Variants in SEM1 observed in about 807,000 individuals in gnomAD.
The protein encoded by SEM1 is SEM1 26S proteasome subunit, also known as 26S proteasome complex subunit SEM1.
A neutral mutation model predicts 12.7 loss-of-function variants in SEM1; 3 were observed. That is an observed-to-expected ratio of 0.24 (90% CI 0.11 to 0.61). The LOEUF (loss-of-function observed/expected upper bound fraction) is 0.61, where lower values mean the gene tolerates loss of function less well. Among genes scored for constraint, SEM1 ranks in the 20% least tolerant of loss-of-function variants. SEM1 has a pLI of 0.88. For missense variants in SEM1, 59 were observed against 81.3 expected (o/e 0.73, Z 1.06); for synonymous variants, 30 against 27.8 (o/e 1.08, Z -0.25).
intron 2 of SEM1, among the ~76,000 whole-genome samples, chr7:96,529,983 T>A (rs1804593149): frequency 1.3e-5 from 2 of 152,102 alleles, no homozygotes; most frequent in African/African-American, 4.8e-5. Flanking sequence ...AAGATGCTAC[T>A]TAACTCATGG....
intron 2 of SEM1, among the ~76,000 whole-genome samples, chr7:96,575,898 T>C (rs574378545): frequency 6.6e-6 from 1 of 152,360 alleles, no homozygotes; most frequent in Non-Finnish European, 1.5e-5. Flanking sequence ...TAACCCTTTT[T>C]ACTTATTTTG....
chr7:96,708,124 G>A (rs1790527025), intron 1 of SEM1: 1 of 152,186 alleles, frequency 6.6e-6, no homozygotes, highest in East Asian at 1.9e-4. Flanking sequence ...GAAGTATTAA[G>A]TTTGAGTAAG....
At chr7:96,521,535 C>T (rs765545584) in intron 2 of SEM1, among the ~76,000 whole-genome samples, 10 of 152,114 alleles carry the variant, frequency 6.6e-5, no homozygotes, top group African/African-American at 1.4e-4. Flanking sequence ...CTCAAGTTCA[C>T]GACTAATAAG....
chr7:96,685,450 TA>T (rs143172018), downstream of SEM1, among the ~76,000 whole-genome samples: 15,085 of 152,132 alleles, frequency 0.099, 807 homozygotes, highest in East Asian at 0.15. Flanking sequence ...TTTTTCTGTG[TA>T]GCTACTCAAC....
intron 2 of SEM1, among the ~76,000 whole-genome samples, chr7:96,564,223 CATT>C (rs1449436723): frequency 1.3e-5 from 2 of 151,714 alleles, no homozygotes; most frequent in Admixed American, 1.3e-4. Context: ...AAATTTTTCT[CATT>C]ATTTATAAGT....
At chr7:96,657,053 T>C (rs1809205781) in intron 2 of SEM1, among the ~76,000 whole-genome samples, 1 of 152,174 alleles carries the variant, frequency 6.6e-6, no homozygotes, top group African/African-American at 2.4e-5. Flanking sequence ...CTATTATTCA[T>C]TTCCACAGAG....
At chr7:96,645,186 T>C (rs1808744952) in intron 2 of SEM1, among the ~76,000 whole-genome samples, 1 of 152,158 alleles carries the variant, frequency 6.6e-6, no homozygotes, top group Admixed American at 6.5e-5. Context: ...CATTCAATGA[T>C]CAATAAGTTA....
chr7:96,581,827 C>T (rs1053521191), intron 2 of SEM1, among the ~76,000 whole-genome samples: 1 of 151,504 alleles, frequency 6.6e-6, no homozygotes, highest in Non-Finnish European at 1.5e-5. Flanking sequence ...ATTTTGTATC[C>T]TGAGACTTTG....
At chr7:96,498,693 G>A (rs1365441962), upstream of SEM1, among the ~76,000 whole-genome samples, 1 of 152,154 alleles carries the variant, frequency 6.6e-6, no homozygotes, top group African/African-American at 2.4e-5. Context: ...TGATTGTTGT[G>A]TGTCCTGCTC....
At chr7:96,654,207 G>A (rs2116472395) in intron 2 of SEM1, among the ~76,000 whole-genome samples, 1 of 152,314 alleles carries the variant, frequency 6.6e-6, no homozygotes, top group Non-Finnish European at 1.5e-5. Flanking sequence ...CATGGATACA[G>A]AAGACATAGG....
At chr7:96,543,593 T>C (rs1182373208) in intron 2 of SEM1, among the ~76,000 whole-genome samples, 2 of 152,036 alleles carry the variant, frequency 1.3e-5, no homozygotes, top group African/African-American at 4.8e-5. Context: ...GAAAATTTTC[T>C]TAATTTTCTA....
chr7:96,561,359 C>T (rs887326937), intron 2 of SEM1, among the ~76,000 whole-genome samples: 1 of 152,142 alleles, frequency 6.6e-6, no homozygotes, highest in African/African-American at 2.4e-5. Context: ...TTGTCAGGAA[C>T]AATTCAGGGA....
intron 2 of SEM1, among the ~76,000 whole-genome samples, chr7:96,543,432 C>T (rs1805015415): frequency 2.0e-5 from 3 of 151,814 alleles, no homozygotes; most frequent in African/African-American, 7.3e-5. Context: ...CATTCACAAG[C>T]ACATGCTAAC....
At chr7:96,604,794 C>T (rs1807295732) in intron 2 of SEM1, among the ~76,000 whole-genome samples, 1 of 152,076 alleles carries the variant, frequency 6.6e-6, no homozygotes, top group African/African-American at 2.4e-5. Flanking sequence ...TGGTGCATGC[C>T]TCTAATCCTA....
At chr7:96,497,309 G>A (rs924373207), upstream of SEM1, among the ~76,000 whole-genome samples, 10 of 151,962 alleles carry the variant, frequency 6.6e-5, no homozygotes, top group African/African-American at 2.4e-4. Context: ...ATTCACAAAA[G>A]CCTTAATCAT....
At chr7:96,694,660 A>G (rs1351356587) in intron 2 of SEM1, 138 bp downstream of exon 2, 2 of 474,946 alleles carry the variant, frequency 4.2e-6, no homozygotes, top group East Asian at 3.2e-5. Context: ...GATGAAGACA[A>G]TATGTCTTAC....
chr7:96,666,282 G>C (rs1243025635), intron 2 of SEM1, among the ~76,000 whole-genome samples: 2 of 152,110 alleles, frequency 1.3e-5, no homozygotes, highest in Non-Finnish European at 2.9e-5. Flanking sequence ...GTCTCCTCTA[G>C]CCCAGGAAGG....
At chr7:96,537,703 C>G (rs1804828932) in intron 2 of SEM1, among the ~76,000 whole-genome samples, 1 of 151,690 alleles carries the variant, frequency 6.6e-6, no homozygotes, top group Non-Finnish European at 1.5e-5. Flanking sequence ...TGATTTGCTG[C>G]AGGTTGATTA....
intron 2 of SEM1, among the ~76,000 whole-genome samples, chr7:96,585,890 C>G (rs1176824954): frequency 3.3e-5 from 5 of 152,180 alleles, no homozygotes; most frequent in Admixed American, 6.5e-5. Flanking sequence ...TGAGATGAAC[C>G]CTGTACCTCA....
Sources: gnomAD v4.1 joint callset for allele counts (sites outside exome capture counted in the v4.1 genomes callset) on GRCh38, gnomAD v4.1.1 for gene constraint, MANE v1.5 for transcripts, NCBI Gene and HGNC (gene_info 2026-07-23, HGNC 2026-07-21) for gene names.